The following NRG4 variants were observed in gnomAD, a reference collection of about 807,000 sequenced individuals.
The protein encoded by NRG4 is pro-neuregulin-4, membrane-bound isoform.
Under a neutral mutation model 15.0 loss-of-function variants are expected in NRG4, and 10 were observed. That is an observed-to-expected ratio of 0.67 (90% confidence interval 0.41 to 1.13). The LOEUF (loss-of-function observed/expected upper bound fraction) is 1.13. Among genes scored for constraint, NRG4 ranks in the 50% most tolerant of loss-of-function variants. The pLI, the probability that NRG4 is intolerant of heterozygous loss-of-function variation, is 0.00. For synonymous variants in NRG4, 41 were observed against 50.1 expected (o/e 0.82, Z 0.77); for missense variants, 139 against 140.2 (o/e 0.99, Z 0.04).
chr15:75,953,322 A>T (rs1349197146), intron 5 of NRG4, among the ~76,000 whole-genome samples: 1 of 152,196 alleles, frequency 6.6e-6, no homozygotes, highest in Non-Finnish European at 1.5e-5. Context: ...AAATGCATTT[A>T]CTATAAATGT....
chr15:75,971,481 G>T (rs972734200), intron 3 of NRG4, among the ~76,000 whole-genome samples: 1 of 152,150 alleles, frequency 6.6e-6, no homozygotes, highest in Admixed American at 6.5e-5. Context: ...GTTTACTCTT[G>T]ACTTGTGCCT....
At chr15:75,940,923 A>G (rs1215511813), downstream of NRG4, 1 of 152,172 alleles carries the variant, frequency 6.6e-6, no homozygotes, top group Non-Finnish European at 1.5e-5. Context: ...TTCACAGACA[A>G]CGAAAGAAAA....
At chr15:76,006,652 C>T (rs2034617927) in intron 3 of NRG4, among the ~76,000 whole-genome samples, 2 of 152,154 alleles carry the variant, frequency 1.3e-5, no homozygotes, top group Admixed American at 6.6e-5. Context: ...ACCCATGTGG[C>T]ATGGTTTCAG....
chr15:75,978,973 T>G (rs2033487127), intron 3 of NRG4, among the ~76,000 whole-genome samples: 1 of 151,986 alleles, frequency 6.6e-6, no homozygotes, highest in Non-Finnish European at 1.5e-5. Flanking sequence ...TTATTTGGGC[T>G]TTTTTTTCCT....
At chr15:76,048,152 CAAAAAAAAA>C (rs113391379) in intron 4 of NRG4, among the ~76,000 whole-genome samples, 2 of 68,766 alleles carry the variant, frequency 2.9e-5, no homozygotes, top group Non-Finnish European at 6.4e-5. Flanking sequence ...AACCCTGTTT[CAAAAAAAAA>C]AAAAAAAAAG....
chr15:75,938,479 T>C (rs1467996044), downstream of NRG4: 1 of 152,112 alleles, frequency 6.6e-6, no homozygotes, highest in African/African-American at 2.4e-5. Context: ...AAACTAGACA[T>C]ATACTTTAAC....
chr15:76,039,019 C>A lies in NRG4; in HGVS notation c.-104-3028G>T, dbSNP rs539991201. 1.2e-4 allele frequency among the ~76,000 whole-genome samples: 19 copies of A among 152,338 alleles called. 1 individual carries two copies. The highest frequency in any genetic ancestry group is 4.6e-4 in the African/African-American group (19 of 41,576). On this transcript the variant is annotated intron_variant, in intron 4 of 8. Coordinates refer to the NRG4 transcript ENST00000563910. Reference sequence around the variant, plus strand: ...ATCCAATATCACCAAGACGGTACTTCTACAAGTCTGCAAGAACCACAGCAT... The same window carrying A: ...ATCCAATATCACCAAGACGGTACTTATACAAGTCTGCAAGAACCACAGCAT...
upstream of NRG4, among the ~76,000 whole-genome samples, chr15:76,016,085 G>A (rs2034965988): frequency 6.6e-6 from 1 of 152,164 alleles, no homozygotes; most frequent in South Asian, 2.1e-4. Flanking sequence ...GAGGGGGTAT[G>A]TGTCCAGGAA....
chr15:76,026,464 T>C (rs1350802392), intron 5 of NRG4, among the ~76,000 whole-genome samples: 2 of 152,018 alleles, frequency 1.3e-5, no homozygotes, highest in Non-Finnish European at 2.9e-5. Context: ...AAAGGAGAAA[T>C]AAAATCTTTG....
chr15:76,005,512 C>A (rs746250723), intron 3 of NRG4, among the ~76,000 whole-genome samples: 1 of 151,328 alleles, frequency 6.6e-6, no homozygotes, highest in Non-Finnish European at 1.5e-5. Flanking sequence ...ATGGCGAAAC[C>A]CCGCCTGTAC....
At position 75,977,620 on chromosome 15, in the gene NRG4, C is replaced by T. The variant is rs527523539; in HGVS notation, c.105-15646G>A. Among the ~76,000 whole-genome samples, 24 of 152,268 alleles carry T rather than the reference C, an allele frequency of 1.6e-4. No homozygotes were observed. The highest frequency in any genetic ancestry group is 6.2e-4 in the South Asian group (3 of 4,826). Reference sequence around the variant, plus strand: ...GGTGAGGTGACACCCCACCCTGCTTCGGCTCACCCTCTGTGGGCTGCATCG... The same window carrying T: ...GGTGAGGTGACACCCCACCCTGCTTTGGCTCACCCTCTGTGGGCTGCATCG... On this transcript the variant is annotated intron_variant, in intron 3 of 5. Transcript: ENST00000394907. The surrounding 1 kb of genome is among the most constrained non-coding windows in gnomAD (Gnocchi z 4.9).
At chr15:75,952,941 A>C (rs2031998386) in intron 5 of NRG4, among the ~76,000 whole-genome samples, 1 of 152,200 alleles carries the variant, frequency 6.6e-6, no homozygotes, top group Admixed American at 6.5e-5. Context: ...ATGATTAAAA[A>C]AATTTTCTCT....
intron 3 of NRG4, among the ~76,000 whole-genome samples, chr15:75,973,996 C>T (rs1278632072): frequency 6.6e-6 from 1 of 152,100 alleles, no homozygotes; most frequent in African/African-American, 2.4e-5. Context: ...TCATCTGGTC[C>T]TGGGCTTTTT....
downstream of NRG4, chr15:75,940,470 T>C (rs1397828636): frequency 6.8e-6 from 1 of 146,110 alleles, no homozygotes; most frequent in Non-Finnish European, 1.5e-5. Flanking sequence ...TTTTTTTTTT[T>C]GCAGAAATAG....
At chr15:75,992,756 A>G (rs1456024317) in intron 3 of NRG4, among the ~76,000 whole-genome samples, 1 of 152,178 alleles carries the variant, frequency 6.6e-6, no homozygotes, top group Non-Finnish European at 1.5e-5. Flanking sequence ...GTGTAACAGA[A>G]TTACACATTT....
intron 3 of NRG4, chr15:76,005,643 G>A (rs1214056774): frequency 3.0e-5 from 8 of 264,956 alleles, no homozygotes; most frequent in African/African-American, 5.1e-5. Context: ...AGCCGAGATC[G>A]CCCTACTGTA....
intron 3 of NRG4, among the ~76,000 whole-genome samples, chr15:75,990,673 T>TG (rs2033976186): frequency 6.8e-6 from 1 of 147,366 alleles, no homozygotes; most frequent in African/African-American, 2.6e-5. Context: ...TGGTAATTGT[T>TG]TTTTTTTTTT....
intron 3 of NRG4, among the ~76,000 whole-genome samples, chr15:76,001,482 T>C (rs1480003726): frequency 6.6e-6 from 1 of 152,170 alleles, no homozygotes; most frequent in African/African-American, 2.4e-5. Context: ...TCATTGCACA[T>C]CTCCAGTTCT....
At chr15:76,042,273 T>G (rs1036766122) in intron 4 of NRG4, among the ~76,000 whole-genome samples, 15 of 149,198 alleles carry the variant, frequency 1.0e-4, no homozygotes, top group African/African-American at 3.5e-4. Flanking sequence ...CTAAAAGAAA[T>G]AGAAAAGCAA....
Sources: gnomAD v4.1 joint callset for allele counts (sites outside exome capture counted in the v4.1 genomes callset) on GRCh38, gnomAD v4.1.1 for gene constraint, Gnocchi (gnomAD v3.1) non-coding constraint, MANE v1.5 for transcripts, NCBI Gene and HGNC (gene_info 2026-07-23, HGNC 2026-07-21) for gene names.